PEPD: variants seen among roughly 807,000 people sequenced by gnomAD.
The protein encoded by PEPD is peptidase D, also known as xaa-Pro dipeptidase.
In PEPD, 53 loss-of-function variants were observed where a neutral mutation model predicts 60.7. The observed-to-expected ratio is 0.87, with a 90% CI of 0.70 to 1.10. PEPD has a LOEUF of 1.10. PEPD is among the 50% of genes least tolerant of loss of function. The probability of loss-of-function intolerance (pLI) is 0.00; values close to 1 mark genes in which losing one functional copy is unlikely to be tolerated. For synonymous variants in PEPD, 267 were observed against 284.1 expected, an observed-to-expected ratio of 0.94 and a Z score of 0.60; for missense variants, 711 against 711.9, an observed-to-expected ratio of 1.00 and a Z score of 0.01.
intron 7 of PEPD, among the ~76,000 whole-genome samples, chr19:33,473,724 C>A (rs1970167698): frequency 6.6e-6 from 1 of 152,178 alleles, no homozygotes; most frequent in Non-Finnish European, 1.5e-5. Context: ...TAAAGCAGAA[C>A]CACAGCCTAA....
At chr19:33,431,142 G>C (rs1969263199) in intron 9 of PEPD, among the ~76,000 whole-genome samples, 1 of 148,276 alleles carries the variant, frequency 6.7e-6, no homozygotes, top group Admixed American at 6.7e-5. Flanking sequence ...AACAGAGAAA[G>C]GGAGAGAGGA....
At chr19:33,395,587 T>G (rs1176736151) in intron 12 of PEPD, among the ~76,000 whole-genome samples, 1 of 152,136 alleles carries the variant, frequency 6.6e-6, no homozygotes, top group African/African-American at 2.4e-5. Context: ...CTGGGTCCAC[T>G]TGGTCTCCTC....
intron 9 of PEPD, among the ~76,000 whole-genome samples, chr19:33,433,500 G>C (rs1011937749): frequency 6.6e-6 from 1 of 152,090 alleles, no homozygotes; most frequent in Admixed American, 6.5e-5. Context: ...TATTTCAGTG[G>C]CTATGAACTG....
intron 3 of PEPD, among the ~76,000 whole-genome samples, chr19:33,505,822 A>G (rs930475718): frequency 7.6e-6 from 1 of 132,384 alleles, no homozygotes; most frequent in African/African-American, 2.6e-5. Flanking sequence ...CACCCTACAC[A>G]CTACACACAC....
intron 12 of PEPD, among the ~76,000 whole-genome samples, chr19:33,400,139 T>C (rs1600084218): frequency 6.6e-6 from 1 of 152,114 alleles, no homozygotes; most frequent in Non-Finnish European, 1.5e-5. Context: ...TGCCTGTCTC[T>C]CTGGAGGTCT....
At chr19:33,456,529 T>A (rs1969804040) in intron 9 of PEPD, among the ~76,000 whole-genome samples, 1 of 152,202 alleles carries the variant, frequency 6.6e-6, no homozygotes, top group South Asian at 2.1e-4. Context: ...CCAAGCCACC[T>A]GAGGCAAAGA....
At chr19:33,506,828 A>ACACG (rs1247148009) in intron 3 of PEPD, among the ~76,000 whole-genome samples, 1 of 144,180 alleles carries the variant, frequency 6.9e-6, no homozygotes, top group African/African-American at 2.6e-5. Context: ...AAAACACAGC[A>ACACG]CACGCACACC....
chr19:33,450,454 T>C (rs189050759), intron 9 of PEPD, among the ~76,000 whole-genome samples: 6 of 152,330 alleles, frequency 3.9e-5, no homozygotes, highest in Admixed American at 1.3e-4. Flanking sequence ...GCTAAAGATC[T>C]CTGGCAACAA....
At chr19:33,488,546 G>A (rs1970438553) in intron 6 of PEPD, among the ~76,000 whole-genome samples, 1 of 152,110 alleles carries the variant, frequency 6.6e-6, no homozygotes, top group Non-Finnish European at 1.5e-5. Flanking sequence ...CTGGGGGCCT[G>A]GGGAGAGAGA....
In PEPD at chr19:33,387,169, T is replaced by C. The variant is rs542575822; in HGVS notation, c.*175A>G. On this transcript the variant is annotated 3_prime_UTR_variant, in exon 15 of 15. Transcript: ENST00000244137. ...AAGGTGGGAGCCTGCAAAAGGGTAA[T>C]TAAAAAAGTGTTTCCTCCCCGGGAA... The C allele has an allele frequency of 2.9e-6, 2 of 688,030 alleles. No individual in the cohort carries two copies. Among genetic ancestry groups the C allele is most frequent in the South Asian group, 1.8e-5 (1 of 55,032 alleles). The allele number at this position is 688,030 out of a possible 1,614,324, so 42.6% of individuals were successfully genotyped here.
At chr19:33,401,406 C>G (rs1968487927) in intron 12 of PEPD, among the ~76,000 whole-genome samples, 1 of 152,224 alleles carries the variant, frequency 6.6e-6, no homozygotes, top group Admixed American at 6.5e-5. Flanking sequence ...GGAGTAGACA[C>G]CGCTTAAGGA....
At chr19:33,442,473 G>C (rs1322484153) in intron 9 of PEPD, among the ~76,000 whole-genome samples, 1 of 151,138 alleles carries the variant, frequency 6.6e-6, no homozygotes, top group Non-Finnish European at 1.5e-5. Context: ...GGCTGAGGCG[G>C]GTAGATCATG....
intron 9 of PEPD, among the ~76,000 whole-genome samples, chr19:33,433,736 C>T (rs1053111023): frequency 1.3e-5 from 2 of 152,148 alleles, no homozygotes; most frequent in South Asian, 2.1e-4. Flanking sequence ...ATCGGCCAAC[C>T]GAATAATTCT....
intron 11 of PEPD, among the ~76,000 whole-genome samples, chr19:33,410,411 G>C (rs1968737065): frequency 6.6e-6 from 1 of 152,180 alleles, no homozygotes; most frequent in African/African-American, 2.4e-5. Flanking sequence ...ACAGCTCAAC[G>C]CTCGGCAGCT....
chr19:33,443,872 T>C (rs1056929348), intron 9 of PEPD, among the ~76,000 whole-genome samples: 4 of 143,468 alleles, frequency 2.8e-5, no homozygotes, highest in Non-Finnish European at 6.0e-5. Context: ...CTTGCGAACA[T>C]GCGCGTGCAC....
intron 11 of PEPD, among the ~76,000 whole-genome samples, chr19:33,408,435 C>T (rs567711937): frequency 7.9e-5 from 12 of 152,250 alleles, no homozygotes; most frequent in African/African-American, 2.2e-4. Flanking sequence ...ATCATTGCAA[C>T]GCAGCACAGC....
At chr19:33,413,973 C>T (rs539782588) in intron 9 of PEPD, among the ~76,000 whole-genome samples, 7 of 152,328 alleles carry the variant, frequency 4.6e-5, no homozygotes, top group South Asian at 2.1e-4. Flanking sequence ...CTGGAGCCTG[C>T]GCCCTGTGGG....
chr19:33,488,598 T>G (rs1178376858), intron 6 of PEPD, among the ~76,000 whole-genome samples: 1 of 152,100 alleles, frequency 6.6e-6, no homozygotes, highest in African/African-American at 2.4e-5. Flanking sequence ...GGCTAATTGC[T>G]GCCAGGCGTG....
At chr19:33,435,139 C>T (rs2145402307) in intron 9 of PEPD, among the ~76,000 whole-genome samples, 1 of 152,304 alleles carries the variant, frequency 6.6e-6, no homozygotes, top group East Asian at 1.9e-4. Context: ...TCCGGCATCT[C>T]CAGGCAGAGG....
Sources: gnomAD v4.1 joint callset for allele counts (sites outside exome capture counted in the v4.1 genomes callset) on GRCh38, gnomAD v4.1.1 for gene constraint, MANE v1.5 for transcripts, NCBI Gene and HGNC (gene_info 2026-07-23, HGNC 2026-07-21) for gene names.